AKT1S1: variants seen among roughly 807,000 people sequenced by gnomAD.
AKT1S1 encodes proline-rich AKT1 substrate 1.
AKT1S1 carries 17 observed loss-of-function variants against 21.2 expected under a neutral mutation model. The observed-to-expected ratio is 0.80, with a 90% CI of 0.55 to 1.20. The LOEUF (loss-of-function observed/expected upper bound fraction) is 1.20. AKT1S1 is among the 50% of genes most tolerant of loss of function. The probability of loss-of-function intolerance (pLI) is 0.00; values close to 1 mark genes in which losing one functional copy is unlikely to be tolerated. For missense variants in AKT1S1, 366 were observed against 368.3 expected (o/e 0.99, Z 0.05); for synonymous variants, 181 against 165.6 (o/e 1.09, Z -0.72).
chr19:49,877,804 C>G, upstream of AKT1S1: 1 of 1,538,012 alleles, frequency 6.5e-7, no homozygotes. Context: ...GTCTAGTGAT[C>G]AGCTCTTCTC....
At chr19:49,875,818 GCACCCT>G (rs1489872633) in intron 1 of AKT1S1, 99 of 983,962 alleles carry the variant, frequency 1.0e-4, no homozygotes, top group Non-Finnish European at 1.2e-4. Flanking sequence ...AGGTCCAGGG[GCACCCT>G]GTAATGCTAC....
intron 4 of AKT1S1, 37 bp from the exon 5 acceptor site, chr19:49,870,097 A>G: frequency 1.4e-6 from 2 of 1,477,890 alleles, no homozygotes; most frequent in East Asian, 5.5e-5. Context: ...CAGCGCCGGC[A>G]GGGCAATCCC....
chr19:49,870,187 C>T, intron 4 of AKT1S1, 127 bp from the exon 5 acceptor site: 3 of 1,137,516 alleles, frequency 2.6e-6, no homozygotes, highest in Non-Finnish European at 1.1e-6. Context: ...CACCTGTGCC[C>T]TGCGATGCCC....
Position 49,869,883 on chromosome 19 carries a change from G to A in AKT1S1, c.*34C>T. The A allele has an allele frequency of 6.9e-7, 1 of 1,454,420 alleles. No individual in the cohort carries two copies. Among genetic ancestry groups the A allele is most frequent in the Non-Finnish European group, 9.2e-7 (1 of 1,088,454 alleles). 90.1% of individuals were successfully genotyped at this position (1,454,420 alleles called of 1,614,324 possible). A position where few individuals can be genotyped will look rare whatever the true frequency, so the allele number is the denominator to read the frequency against. ...GGGCGGGGGCGTAGTGTGGGACGGG[G>A]CGGACGCGGCCCGGGGCGCTCCCTC... On this transcript the variant is annotated 3_prime_UTR_variant, in exon 5 of 5. Transcript: ENST00000344175.
intron 4 of AKT1S1, 64 bp downstream of exon 4, chr19:49,871,482 TC>T: frequency 1.2e-6 from 2 of 1,601,700 alleles, no homozygotes; most frequent in Non-Finnish European, 1.7e-6. Flanking sequence ...CTGGAGGGCT[TC>T]CTGGAGGAGG....
chr19:49,877,966 G>A, upstream of AKT1S1: 1 of 717,498 alleles, frequency 1.4e-6, no homozygotes, highest in South Asian at 1.9e-5. Flanking sequence ...TGCCCCCTGT[G>A]GAACGCACGT....
At chr19:49,872,871 C>CA in intron 2 of AKT1S1, 46 bp downstream of exon 2, 1 of 1,563,274 alleles carries the variant, frequency 6.4e-7, no homozygotes, top group Non-Finnish European at 8.6e-7. Context: ...CTCCTGCGGG[C>CA]ACCTCAAGCG....
Position 49,869,786 on chromosome 19 carries a change from G to T in AKT1S1, c.*131C>A. 1 of 1,079,716 alleles carries T rather than the reference G, an allele frequency of 9.3e-7. No individual in the cohort carries two copies. The highest frequency in any genetic ancestry group is 1.2e-6 in the Non-Finnish European group (1 of 810,440). The allele number at this position is 1,079,716 out of a possible 1,614,324, so 66.9% of individuals were successfully genotyped here. A position where few individuals can be genotyped will look rare whatever the true frequency, so the allele number is the denominator to read the frequency against. On this transcript the variant is annotated 3_prime_UTR_variant, in exon 5 of 5. Transcript: ENST00000344175. ...GGACGGCGGGGATTGGCAGAGGCGG[G>T]ACAATCTTGGGAATGGGAGACGCAA... is the stretch of plus-strand genomic sequence containing the variant.
At chr19:49,878,127 G>C (rs2074975418), upstream of AKT1S1, 8 of 1,565,202 alleles carry the variant, frequency 5.1e-6, no homozygotes, top group Non-Finnish European at 6.9e-6. Context: ...GCCCTCGCTG[G>C]TTCCCCCCAA....
At chr19:49,877,935 C>T (rs1465147517), upstream of AKT1S1, 9 of 740,580 alleles carry the variant, frequency 1.2e-5, no homozygotes, top group Non-Finnish European at 1.9e-5. Flanking sequence ...GCCCCCCCGG[C>T]TCAGGCGACT....
chr19:49,869,839 T>A lies in AKT1S1; in HGVS notation c.*78A>T. 1 of 1,329,654 alleles carries A rather than the reference T, an allele frequency of 7.5e-7. No homozygotes were observed. The highest frequency in any genetic ancestry group is 1.8e-5 in the South Asian group (1 of 55,426). 82.4% of individuals were successfully genotyped at this position (1,329,654 alleles called of 1,614,324 possible). A position where few individuals can be genotyped will look rare whatever the true frequency, so the allele number is the denominator to read the frequency against. On this transcript the variant is annotated 3_prime_UTR_variant, in exon 5 of 5. Coordinates refer to ENST00000344175, the MANE Select transcript of AKT1S1 (RefSeq NM_001098633.4). ...AGGCCGGTCCCGGATCGGCCTCAGA[T>A]TAGCAGGCCCCGGGAGTGGGGCGGG...
upstream of AKT1S1, chr19:49,877,599 C>G (rs1194384625): frequency 9.8e-7 from 1 of 1,023,258 alleles, no homozygotes; most frequent in Non-Finnish European, 1.4e-6. Context: ...TTCACCCGCT[C>G]CTTCTCTAGA....
At position 49,870,046 on chromosome 19, in the gene AKT1S1, G is replaced by A. The variant is rs2074866813; in HGVS notation, c.642C>T (p.Asp214=). 2 of 1,547,846 alleles carry A rather than the reference G, an allele frequency of 1.3e-6. No homozygotes were observed. The highest frequency in any genetic ancestry group is 1.4e-5 in the African/African-American group (1 of 71,698). Residue 214 remains aspartate (D), a synonymous_variant, in exon 5 of 5, where the codon GAC becomes GAT. Coordinates refer to ENST00000344175, the MANE Select transcript of AKT1S1 (RefSeq NM_001098633.4). Reference sequence around the variant, plus strand: ...GCATGCTCGCCGCGATGCGGTCCAGGTCGGGCGAAGAGGGCTGCGGGGACG... The same window carrying A: ...GCATGCTCGCCGCGATGCGGTCCAGATCGGGCGAAGAGGGCTGCGGGGACG... The part of the protein sequence containing the change: ...DEENGPPSSP[D]LDRIAASMRA...
rs763346878 is a variant in AKT1S1, at chr19:49,873,234, C to T, written c.62G>A (p.Arg21Gln). The T allele has an allele frequency of 3.3e-5, 50 of 1,537,148 alleles. No individual in the cohort carries two copies. The highest frequency in any genetic ancestry group is 2.3e-4 in the Middle Eastern group (1 of 4,404). Reference sequence around the variant, plus strand: ...CACCAGCTCCGTGCCAGTCCGGGCCCGGAAGCGCTCAGCGGCCCCCACCAC... The same window carrying T: ...CACCAGCTCCGTGCCAGTCCGGGCCTGGAAGCGCTCAGCGGCCCCCACCAC... ...EAVVGAAERF[R>Q]ARTGTELVLL... The change falls in exon 2 of 5, where the codon CGG becomes CAG. Residue 21 changes from arginine (R) to glutamine (Q), a missense_variant. Transcript: ENST00000344175. This position sits in a 1 kb window ranked among gnomAD's most constrained non-coding sequence, Gnocchi z 6.9.
chr19:49,873,455 C>T lies in AKT1S1; in HGVS notation c.-7-153G>A. 1 of 1,305,218 alleles carries T rather than the reference C, an allele frequency of 7.7e-7. No individual in the cohort carries two copies. The highest frequency in any genetic ancestry group is 9.8e-7 in the Non-Finnish European group (1 of 1,015,936). 80.9% of individuals were successfully genotyped at this position (1,305,218 alleles called of 1,614,324 possible). On this transcript the variant is annotated intron_variant, in intron 1 of 4. Coordinates refer to ENST00000344175, the MANE Select transcript of AKT1S1 (RefSeq NM_001098633.4). This position sits in a 1 kb window ranked among gnomAD's most constrained non-coding sequence, Gnocchi z 6.9. Reference sequence around the variant, plus strand: ...GTGTGTCCTCCCCAAACCTGCTACTCCCCAGGATTCTCACCATCCAGTCCT... The same window carrying T: ...GTGTGTCCTCCCCAAACCTGCTACTTCCCAGGATTCTCACCATCCAGTCCT...
At chr19:49,878,111 G>T (rs2074974957), upstream of AKT1S1, 2 of 1,541,782 alleles carry the variant, frequency 1.3e-6, no homozygotes, top group African/African-American at 2.7e-5. Flanking sequence ...CCTCGCTTGG[G>T]CCCCAGCCCT....
chr19:49,870,361 C>A (rs1309525207), intron 4 of AKT1S1, among the ~76,000 whole-genome samples: 2 of 152,222 alleles, frequency 1.3e-5, no homozygotes, highest in Non-Finnish European at 2.9e-5. Flanking sequence ...GCCATTAAGG[C>A]TGAGTGCACC....
chr19:49,871,525 C>T (rs185437232), intron 4 of AKT1S1, 22 bp downstream of exon 4: 2 of 1,613,480 alleles, frequency 1.2e-6, no homozygotes, highest in Admixed American at 1.7e-5. Flanking sequence ...GCCCTCCCTA[C>T]CTCCCCACAT....
chr19:49,869,864 G>C lies in AKT1S1; in HGVS notation c.*53C>G. 7.1e-7 allele frequency: 1 copy of C among 1,405,228 alleles called. No individual in the cohort carries two copies. The highest frequency in any genetic ancestry group is 9.4e-7 in the Non-Finnish European group (1 of 1,062,978). 87.0% of individuals were successfully genotyped at this position (1,405,228 alleles called of 1,614,324 possible). On this transcript the variant is annotated 3_prime_UTR_variant, in exon 5 of 5. Coordinates refer to ENST00000344175, the MANE Select transcript of AKT1S1 (RefSeq NM_001098633.4). ...TTAGCAGGCCCCGGGAGTGGGGCGG[G>C]GGCGTAGTGTGGGACGGGGCGGACG...
Sources: gnomAD v4.1 joint callset for allele counts (sites outside exome capture counted in the v4.1 genomes callset) on GRCh38, gnomAD v4.1.1 for gene constraint, Gnocchi (gnomAD v3.1) non-coding constraint, MANE v1.5 for transcripts, NCBI Gene and HGNC (gene_info 2026-07-23, HGNC 2026-07-21) for gene names.